RASEF: variants seen among roughly 807,000 people sequenced by gnomAD.
RASEF encodes the protein ras and EF-hand domain-containing protein.
Under a neutral mutation model 90.1 loss-of-function variants are expected in RASEF, and 68 were observed. The observed-to-expected ratio is 0.75, with a 90% confidence interval of 0.62 to 0.92. The LOEUF (loss-of-function observed/expected upper bound fraction) is 0.92. RASEF is among the 40% of genes least tolerant of loss of function. The pLI is 0.00. For missense variants in RASEF, 949 were observed against 937.2 expected (o/e 1.01, Z -0.16); for synonymous variants, 331 against 345.2 (o/e 0.96, Z 0.46).
chr9:83,123,697 T>C, the RASEF span, among the ~76,000 whole-genome samples: 3 of 152,226 alleles, frequency 2.0e-5, no homozygotes, highest in African/African-American at 7.2e-5. Flanking sequence ...TCAATAAATC[T>C]GACTTCCTCA....
At chr9:83,157,462 C>T in the RASEF span, among the ~76,000 whole-genome samples, 3 of 152,174 alleles carry the variant, frequency 2.0e-5, no homozygotes, top group Non-Finnish European at 4.4e-5. Context: ...TTCTTGCCTT[C>T]TTGCCAGGTG....
At chr9:83,202,139 C>T in the RASEF span, 1 of 152,020 alleles carries the variant, frequency 6.6e-6, no homozygotes, top group South Asian at 2.0e-4. Context: ...AAAAGAAAAA[C>T]CACCCATCAT....
chr9:83,011,826 C>G (rs907684856), intron 5 of RASEF, among the ~76,000 whole-genome samples: 3 of 152,030 alleles, frequency 2.0e-5, no homozygotes, highest in African/African-American at 7.2e-5. Flanking sequence ...TTCATTTGAC[C>G]ATGAAGCTGG....
At chr9:82,992,431 A>T (rs1828833017) in intron 15 of RASEF, among the ~76,000 whole-genome samples, 1 of 152,224 alleles carries the variant, frequency 6.6e-6, no homozygotes, top group African/African-American at 2.4e-5. Flanking sequence ...GATTTTTTAT[A>T]TCAACTAAAC....
At chr9:83,006,889 C>A (rs1430730619) in intron 7 of RASEF, among the ~76,000 whole-genome samples, 1 of 151,872 alleles carries the variant, frequency 6.6e-6, no homozygotes, top group Non-Finnish European at 1.5e-5. Context: ...GTCAGGAGAT[C>A]GAGACCATCC....
chr9:83,144,358 A>AG, the RASEF span, among the ~76,000 whole-genome samples: 3 of 106,560 alleles, frequency 2.8e-5, no homozygotes, highest in African/African-American at 1.2e-4. Flanking sequence ...AAAGAAAGAA[A>AG]GAAAGAAAGA....
chr9:83,097,910 TA>T, the RASEF span, among the ~76,000 whole-genome samples: 1 of 152,200 alleles, frequency 6.6e-6, no homozygotes, highest in Non-Finnish European at 1.5e-5. Flanking sequence ...GATTCCTAGG[TA>T]GGCCTTTTAT....
chr9:83,089,848 T>C, the RASEF span, among the ~76,000 whole-genome samples: 1 of 152,120 alleles, frequency 6.6e-6, no homozygotes, highest in South Asian at 2.1e-4. Flanking sequence ...CTCCAAATAC[T>C]GTTCCTGATC....
the RASEF span, among the ~76,000 whole-genome samples, chr9:83,091,524 C>T: frequency 6.6e-6 from 1 of 152,082 alleles, no homozygotes; most frequent in African/African-American, 2.4e-5. Context: ...CACTGCACTC[C>T]AGTCTGGATG....
At chr9:82,988,846 G>C (rs941795133) in intron 16 of RASEF, among the ~76,000 whole-genome samples, 2 of 152,110 alleles carry the variant, frequency 1.3e-5, no homozygotes, top group Non-Finnish European at 2.9e-5. Flanking sequence ...TTGCAGTCTC[G>C]GGTATTCCTT....
chr9:83,186,363 A>G, the RASEF span, among the ~76,000 whole-genome samples: 3 of 152,118 alleles, frequency 2.0e-5, no homozygotes, highest in African/African-American at 7.2e-5. Context: ...TTGCTTCCAG[A>G]TTGATCTTTC....
At chr9:83,098,485 C>A in the RASEF span, among the ~76,000 whole-genome samples, 1 of 152,148 alleles carries the variant, frequency 6.6e-6, no homozygotes, top group Non-Finnish European at 1.5e-5. Flanking sequence ...TGACTACTTT[C>A]TACTCTGTTG....
chr9:83,055,389 C>T (rs913776697), intron 1 of RASEF: 28 of 500,252 alleles, frequency 5.6e-5, no homozygotes, highest in East Asian at 1.8e-4. Context: ...GGCAATGCCT[C>T]GCCCTGCTTC....
At chr9:83,172,646 T>A in the RASEF span, among the ~76,000 whole-genome samples, 1 of 152,036 alleles carries the variant, frequency 6.6e-6, no homozygotes, top group East Asian at 1.9e-4. Context: ...AAAAAAACTT[T>A]AAAAATGTAC....
the RASEF span, among the ~76,000 whole-genome samples, chr9:83,169,338 T>C: frequency 7.0e-6 from 1 of 142,672 alleles, no homozygotes; most frequent in Non-Finnish European, 1.5e-5. Context: ...ATCTCTGATA[T>C]ACTGATTTCC....
chr9:83,151,358 T>C, the RASEF span, among the ~76,000 whole-genome samples: 4 of 152,048 alleles, frequency 2.6e-5, no homozygotes, highest in Non-Finnish European at 5.9e-5. Context: ...ATTTAGGTGG[T>C]GGGACTTGGT....
At chr9:83,045,545 T>A (rs1267829006) in intron 1 of RASEF, among the ~76,000 whole-genome samples, 1 of 152,218 alleles carries the variant, frequency 6.6e-6, no homozygotes, top group Non-Finnish European at 1.5e-5. Context: ...GACAGCTCAT[T>A]TGCTATAATC....
At chr9:83,096,679 G>A in the RASEF span, among the ~76,000 whole-genome samples, 4 of 151,570 alleles carry the variant, frequency 2.6e-5, no homozygotes, top group Non-Finnish European at 4.4e-5. Context: ...TGTGCAAAAC[G>A]TGCAGGTTTG....
At chr9:83,110,792 G>GC in the RASEF span, among the ~76,000 whole-genome samples, 1 of 152,090 alleles carries the variant, frequency 6.6e-6, no homozygotes, top group Non-Finnish European at 1.5e-5. Context: ...GTTCTGAAAA[G>GC]CCCCAAGAAT....
Sources: gnomAD v4.1 joint callset for allele counts (sites outside exome capture counted in the v4.1 genomes callset) on GRCh38, gnomAD v4.1.1 for gene constraint, MANE v1.5 for transcripts, NCBI Gene and HGNC (gene_info 2026-07-23, HGNC 2026-07-21) for gene names.